Variants in CSMD2 observed in about 807,000 individuals in gnomAD.
The protein encoded by CSMD2 is CUB and sushi domain-containing protein 2.
In CSMD2, 130 loss-of-function variants were observed where a neutral mutation model predicts 398.5. That is an observed-to-expected ratio of 0.33 (90% CI 0.28 to 0.38). The LOEUF (loss-of-function observed/expected upper bound fraction) is 0.38, where lower values mean the gene tolerates loss of function less well. Ranked by LOEUF, CSMD2 falls within the 10% of genes least tolerant of loss-of-function variation. The probability of loss-of-function intolerance (pLI) is 1.00; values close to 1 mark genes in which losing one functional copy is unlikely to be tolerated. For missense variants in CSMD2, 3,829 were observed against 4,764.9 expected, an observed-to-expected ratio of 0.80 and a Z score of 5.78; for synonymous variants, 1,828 against 1,908.5, an observed-to-expected ratio of 0.96 and a Z score of 1.10.
chr1:34,127,183 G>C (rs1662837107), intron 1 of CSMD2, among the ~76,000 whole-genome samples: 1 of 152,100 alleles, frequency 6.6e-6, no homozygotes, highest in Admixed American at 6.6e-5. Context: ...TCCGTCAGCG[G>C]CATCCGACCC....
At chr1:33,530,433 A>G (rs1655134112) in intron 64 of CSMD2, among the ~76,000 whole-genome samples, 1 of 152,176 alleles carries the variant, frequency 6.6e-6, no homozygotes, top group South Asian at 2.1e-4. Flanking sequence ...TATAAATAAG[A>G]TTAAAGATAA....
At chr1:34,067,909 G>A (rs1246176915) in intron 2 of CSMD2, among the ~76,000 whole-genome samples, 1 of 152,210 alleles carries the variant, frequency 6.6e-6, no homozygotes, top group Non-Finnish European at 1.5e-5. Context: ...ACTCCAGGAA[G>A]TCAGGATTGG....
intron 3 of CSMD2, among the ~76,000 whole-genome samples, chr1:34,003,540 G>T (rs1329057847): frequency 6.6e-6 from 1 of 152,202 alleles, no homozygotes; most frequent in Non-Finnish European, 1.5e-5. Flanking sequence ...TGGGTGCCAG[G>T]CAATGGGCTA....
chr1:33,713,290 T>C (rs985118059), intron 21 of CSMD2, among the ~76,000 whole-genome samples: 2 of 152,212 alleles, frequency 1.3e-5, no homozygotes, highest in Admixed American at 1.3e-4. Context: ...GAGGGCTCCA[T>C]GGACTTGTCT....
chr1:33,785,334 C>T (rs989686818), intron 12 of CSMD2, among the ~76,000 whole-genome samples: 3 of 149,646 alleles, frequency 2.0e-5, no homozygotes, highest in African/African-American at 7.7e-5. Context: ...GCTTTGGCTT[C>T]TATTAAAGAT....
chr1:33,793,684 T>A (rs1236995969), intron 10 of CSMD2, among the ~76,000 whole-genome samples: 1 of 73,994 alleles, frequency 1.4e-5, no homozygotes, highest in Non-Finnish European at 2.9e-5. Context: ...TGTGTGGAAC[T>A]CATTGGCAGG....
At chr1:33,865,543 C>G (rs1396375161) in intron 5 of CSMD2, among the ~76,000 whole-genome samples, 1 of 152,090 alleles carries the variant, frequency 6.6e-6, no homozygotes, top group Non-Finnish European at 1.5e-5. Flanking sequence ...GATAAGAGGG[C>G]AGGATCGCCT....
intron 29 of CSMD2, 53 bp downstream of exon 29, chr1:33,646,595 C>T: frequency 1.3e-6 from 2 of 1,590,848 alleles, no homozygotes; most frequent in Non-Finnish European, 1.7e-6. Context: ...TACTTGCCCT[C>T]TGCCTTGTTA....
intron 25 of CSMD2, among the ~76,000 whole-genome samples, chr1:33,664,991 C>G (rs993973034): frequency 6.6e-6 from 1 of 151,984 alleles, no homozygotes; most frequent in Non-Finnish European, 1.5e-5. Context: ...ATATTCTTTA[C>G]GAAAATACTC....
chr1:33,608,302 C>A (rs1640767613), intron 41 of CSMD2, among the ~76,000 whole-genome samples: 1 of 152,184 alleles, frequency 6.6e-6, no homozygotes, highest in South Asian at 2.1e-4. Flanking sequence ...GGTCCCATCA[C>A]AGGGATTCAG....
chr1:33,655,492 A>C (rs1056093542), intron 27 of CSMD2, among the ~76,000 whole-genome samples: 1 of 152,220 alleles, frequency 6.6e-6, no homozygotes, highest in Non-Finnish European at 1.5e-5. Context: ...AGGCACAGGG[A>C]AGTTGGGCAA....
At chr1:34,045,181 A>G (rs1179579593) in intron 2 of CSMD2, among the ~76,000 whole-genome samples, 5 of 152,022 alleles carry the variant, frequency 3.3e-5, no homozygotes, top group East Asian at 1.9e-4. Flanking sequence ...GCCTTTCTAT[A>G]TATACATCAT....
intron 24 of CSMD2, 101 bp downstream of exon 24, chr1:33,698,652 C>T (rs1244493605): frequency 1.1e-5 from 13 of 1,144,044 alleles, no homozygotes; most frequent in Non-Finnish European, 4.9e-6. Context: ...GTTGATGGCC[C>T]CCAGGCCCTG....
chr1:33,850,303 C>T (rs1570262024), intron 5 of CSMD2, among the ~76,000 whole-genome samples: 1 of 152,298 alleles, frequency 6.6e-6, no homozygotes, highest in East Asian at 1.9e-4. Context: ...TTCTTTTGTG[C>T]TTCTCTGTCT....
At chr1:33,886,925 G>A (rs560350146) in intron 5 of CSMD2, among the ~76,000 whole-genome samples, 252 of 152,156 alleles carry the variant, frequency 1.7e-3, no homozygotes, top group Non-Finnish European at 1.9e-3. Flanking sequence ...CAGCATGACT[G>A]AAGAAGAATT....
chr1:33,706,023 G>GT (rs1645766372), intron 22 of CSMD2, among the ~76,000 whole-genome samples: 1 of 150,022 alleles, frequency 6.7e-6, no homozygotes, highest in Non-Finnish European at 1.5e-5. Flanking sequence ...ATCTTTAAAA[G>GT]TATCTTTCTC....
intron 3 of CSMD2, among the ~76,000 whole-genome samples, chr1:33,936,668 C>A (rs181021930): frequency 7.0e-4 from 106 of 152,310 alleles, no homozygotes; most frequent in Non-Finnish European, 5.4e-4. Context: ...GCAAGAGCAC[C>A]ATGACCTGGC....
intron 10 of CSMD2, among the ~76,000 whole-genome samples, chr1:33,800,146 G>A (rs988585188): frequency 2.0e-5 from 3 of 152,210 alleles, no homozygotes; most frequent in Admixed American, 6.5e-5. Flanking sequence ...GGCCCACCCA[G>A]CCTCAGTTTA....
At chr1:33,737,096 C>T (rs1339289652) in intron 15 of CSMD2, among the ~76,000 whole-genome samples, 1 of 152,194 alleles carries the variant, frequency 6.6e-6, no homozygotes, top group African/African-American at 2.4e-5. Flanking sequence ...GATATGCATA[C>T]TTATTCCCCT....
Sources: allele counts gnomAD v4.1 joint callset (sites outside exome capture counted in the v4.1 genomes callset), GRCh38; gene constraint gnomAD v4.1.1; transcripts MANE v1.5; gene names NCBI Gene and HGNC (gene_info 2026-07-23, HGNC 2026-07-21).